Variants in OSBP2 observed in about 807,000 individuals in gnomAD.
OSBP2 encodes oxysterol-binding protein 2.
OSBP2 carries 66 observed loss-of-function variants against 96.0 expected under a neutral mutation model. The observed-to-expected ratio is 0.69, with a 90% CI of 0.56 to 0.84. The LOEUF is 0.84. Ranked by LOEUF, OSBP2 falls within the 40% of genes least tolerant of loss-of-function variation. The pLI is 0.00. For synonymous variants in OSBP2, 525 were observed against 520.9 expected (o/e 1.01, Z -0.11); for missense variants, 1,038 against 1,222.7 (o/e 0.85, Z 2.25).
intron 2 of OSBP2, among the ~76,000 whole-genome samples, chr22:30,757,097 G>C (rs1302106380): frequency 1.3e-5 from 2 of 152,240 alleles, no homozygotes; most frequent in Non-Finnish European, 2.9e-5. Context: ...TGCTGGCCTT[G>C]ATCAGTACCT....
chr22:30,738,710 G>A (rs1282438932), intron 1 of OSBP2, among the ~76,000 whole-genome samples: 1 of 152,074 alleles, frequency 6.6e-6, no homozygotes, highest in African/African-American at 2.4e-5. Context: ...ACAGGTACCC[G>A]CCACCGTGCC....
chr22:30,801,644 T>A (rs1292934368), intron 2 of OSBP2, among the ~76,000 whole-genome samples: 1 of 152,204 alleles, frequency 6.6e-6, no homozygotes, highest in African/African-American at 2.4e-5. Flanking sequence ...TGGATTTGAA[T>A]TAATGTGGCA....
At chr22:30,743,455 C>T (rs2089965112) in intron 2 of OSBP2, among the ~76,000 whole-genome samples, 1 of 152,128 alleles carries the variant, frequency 6.6e-6, no homozygotes, top group African/African-American at 2.4e-5. Context: ...CGGCGGTCCC[C>T]CGGGTACCAC....
intron 1 of OSBP2, among the ~76,000 whole-genome samples, chr22:30,726,588 G>C (rs1433956918): frequency 2.0e-5 from 3 of 147,590 alleles, no homozygotes; most frequent in African/African-American, 7.3e-5. Context: ...ATGGCACATG[G>C]ATACCTGAGT....
chr22:30,905,135 T>A (rs13058055), intron 12 of OSBP2, among the ~76,000 whole-genome samples: 100 of 8,562 alleles, frequency 0.012, no homozygotes, highest in South Asian at 0.039. Flanking sequence ...GAGACCCGTC[T>A]TTTTTTTTTT....
intron 2 of OSBP2, among the ~76,000 whole-genome samples, chr22:30,843,449 C>CA (rs2038798480): frequency 7.9e-6 from 1 of 126,984 alleles, no homozygotes; most frequent in Admixed American, 7.1e-5. Context: ...ATCTTTCCCC[C>CA]CTCCCCCTTG....
chr22:30,898,273 A>G (rs1265972418), intron 12 of OSBP2, among the ~76,000 whole-genome samples: 1 of 152,076 alleles, frequency 6.6e-6, no homozygotes, highest in East Asian at 1.9e-4. Flanking sequence ...GGATCACTTG[A>G]GCCCAGGAGG....
intron 2 of OSBP2, among the ~76,000 whole-genome samples, chr22:30,754,662 C>G (rs1569109988): frequency 6.6e-6 from 1 of 152,190 alleles, no homozygotes; most frequent in Non-Finnish European, 1.5e-5. Flanking sequence ...AGGGCTCTCC[C>G]TTGGCCTCAG....
chr22:30,831,491 A>G (rs994183764), intron 2 of OSBP2, among the ~76,000 whole-genome samples: 2 of 152,146 alleles, frequency 1.3e-5, no homozygotes, highest in African/African-American at 4.8e-5. Flanking sequence ...GCACCGATCC[A>G]CTGTCCTTGG....
chr22:30,844,284 C>A (rs571628365), intron 2 of OSBP2, among the ~76,000 whole-genome samples: 4 of 152,306 alleles, frequency 2.6e-5, no homozygotes, highest in Non-Finnish European at 5.9e-5. Flanking sequence ...CCAACCTGTC[C>A]TTTGAAGTCA....
At chr22:30,735,758 T>A (rs1487006763) in intron 1 of OSBP2, among the ~76,000 whole-genome samples, 1 of 152,108 alleles carries the variant, frequency 6.6e-6, no homozygotes, top group Non-Finnish European at 1.5e-5. Context: ...CATCTCACTC[T>A]GTTGACCAGG....
At chr22:30,792,775 C>T (rs142524167) in intron 2 of OSBP2, among the ~76,000 whole-genome samples, 2 of 152,334 alleles carry the variant, frequency 1.3e-5, no homozygotes, top group African/African-American at 4.8e-5. Flanking sequence ...AGCCTCCGGT[C>T]TTCCACACCA....
At chr22:30,803,871 G>T (rs1310239324) in intron 2 of OSBP2, among the ~76,000 whole-genome samples, 3 of 152,098 alleles carry the variant, frequency 2.0e-5, no homozygotes, top group African/African-American at 7.2e-5. Context: ...AACTCCAGTG[G>T]TGCCTGTCAC....
At chr22:30,839,310 T>C (rs202139497) in intron 2 of OSBP2, among the ~76,000 whole-genome samples, 83,910 of 132,750 alleles carry the variant, frequency 0.63, 28,272 homozygotes, top group African/African-American at 0.88. Flanking sequence ...AATAAACATA[T>C]GTGTGCATGT....
intron 2 of OSBP2, among the ~76,000 whole-genome samples, chr22:30,848,064 T>C (rs1314292958): frequency 6.6e-6 from 1 of 152,208 alleles, no homozygotes; most frequent in African/African-American, 2.4e-5. Context: ...TGACTATGTC[T>C]TAAAGGTTTT....
intron 2 of OSBP2, among the ~76,000 whole-genome samples, chr22:30,859,897 G>C (rs1187599498): frequency 6.6e-6 from 1 of 152,190 alleles, no homozygotes; most frequent in Non-Finnish European, 1.5e-5. Flanking sequence ...GAGCACTGGA[G>C]AGGGAGCCCT....
At chr22:30,868,725 A>T (rs924705396) in intron 2 of OSBP2, among the ~76,000 whole-genome samples, 4 of 151,984 alleles carry the variant, frequency 2.6e-5, no homozygotes, top group Non-Finnish European at 5.9e-5. Context: ...CCAGAGGGGG[A>T]CAGGGTATGC....
chr22:30,906,687 C>G lies in OSBP2; in HGVS notation c.*348C>G. The G allele has an allele frequency of 4.3e-6, 1 of 230,098 alleles. No homozygotes were observed. 14.3% of individuals were successfully genotyped at this position (230,098 alleles called of 1,614,324 possible). A position where few individuals can be genotyped will look rare whatever the true frequency, so the allele number is the denominator to read the frequency against. ...CCCCAACCCAGGGAGGAACTGGCCC[C>G]TCCTAGGGAGCCTCTTCGACTTTTT... is the stretch of plus-strand genomic sequence containing the variant. On this transcript the variant is annotated 3_prime_UTR_variant, in exon 14 of 14. Coordinates refer to ENST00000332585, the MANE Select transcript of OSBP2 (RefSeq NM_030758.4).
chr22:30,876,410 C>T (rs987043858), intron 3 of OSBP2, among the ~76,000 whole-genome samples: 4 of 152,238 alleles, frequency 2.6e-5, no homozygotes, highest in African/African-American at 7.2e-5. Context: ...GGCCTCACCG[C>T]CCCACTGCCC....
Sources: gnomAD v4.1 joint callset for allele counts (sites outside exome capture counted in the v4.1 genomes callset) on GRCh38, gnomAD v4.1.1 for gene constraint, MANE v1.5 for transcripts, NCBI Gene and HGNC (gene_info 2026-07-23, HGNC 2026-07-21) for gene names.